Variants in VSTM4 observed in about 807,000 individuals in gnomAD.
VSTM4 encodes the protein V-set and transmembrane domain-containing protein 4.
A neutral mutation model predicts 36.4 loss-of-function variants in VSTM4; 20 were observed. The observed-to-expected ratio is 0.55, with a 90% CI of 0.39 to 0.80. The LOEUF (loss-of-function observed/expected upper bound fraction) is 0.80, where lower values mean the gene tolerates loss of function less well. Among genes scored for constraint, VSTM4 ranks in the 30% least tolerant of loss-of-function variants. The pLI is 0.00. For missense variants in VSTM4, 392 were observed against 404.5 expected, an observed-to-expected ratio of 0.97 and a Z score of 0.26; for synonymous variants, 182 against 173.9, an observed-to-expected ratio of 1.05 and a Z score of -0.37.
At chr10:49,097,991 T>C (rs1319858393) in intron 2 of VSTM4, among the ~76,000 whole-genome samples, 1 of 152,246 alleles carries the variant, frequency 6.6e-6, no homozygotes, top group Non-Finnish European at 1.5e-5. Context: ...CACTAGGCTA[T>C]GATGCCTGCC....
intron 2 of VSTM4, among the ~76,000 whole-genome samples, chr10:49,105,558 G>C (rs1295409419): frequency 1.3e-5 from 2 of 152,134 alleles, no homozygotes; most frequent in Non-Finnish European, 2.9e-5. Flanking sequence ...AGTGGGGAAA[G>C]ATTCTTATTT....
At position 49,064,676 on chromosome 10, in the gene VSTM4, C is replaced by A. The variant is rs770420993; in HGVS notation, c.668+27G>T. ...AAAGTTAAATGGCAAAGAGTTTCATCTGAAAAAAGGAAGAAAATATTCTTA... is the reference window on the plus strand; with the variant it reads ...AAAGTTAAATGGCAAAGAGTTTCATATGAAAAAAGGAAGAAAATATTCTTA... On this transcript the variant is annotated intron_variant, in intron 5 of 7. Coordinates refer to ENST00000332853, the MANE Select transcript of VSTM4 (RefSeq NM_001031746.5). The A allele has an allele frequency of 4.4e-6, 7 of 1,600,644 alleles. No homozygotes were observed. In the South Asian group the frequency reaches 6.8e-5, roughly 15 times the overall value.
At chr10:49,047,237 C>T (rs899384780) in intron 6 of VSTM4, among the ~76,000 whole-genome samples, 193 bp from the exon 7 acceptor site, 15 of 152,278 alleles carry the variant, frequency 9.9e-5, no homozygotes, top group African/African-American at 3.4e-4. Context: ...AACGTTTTGT[C>T]GTCTCCCTCA....
intron 4 of VSTM4, among the ~76,000 whole-genome samples, chr10:49,068,995 A>C (rs540001395): frequency 2.6e-5 from 4 of 152,128 alleles, no homozygotes; most frequent in Non-Finnish European, 5.9e-5. Flanking sequence ...TGATAAGAAG[A>C]AGCAGGCCCT....
chr10:49,113,407 A>G (rs1014767477), intron 1 of VSTM4, among the ~76,000 whole-genome samples: 1 of 152,186 alleles, frequency 6.6e-6, no homozygotes, highest in South Asian at 2.1e-4. Context: ...CCAATGATAG[A>G]GGCTAATACC....
At chr10:49,103,893 T>G in intron 2 of VSTM4, 5 of 1,599,342 alleles carry the variant, frequency 3.1e-6, no homozygotes, top group Non-Finnish European at 4.3e-6. Context: ...ATGAGCAGGT[T>G]AGACAAGAGA....
chr10:49,107,565 C>A (rs751995484), intron 2 of VSTM4, 29 bp downstream of exon 2: 2 of 1,575,766 alleles, frequency 1.3e-6, no homozygotes, highest in Admixed American at 3.5e-5. Flanking sequence ...CCCACCACCA[C>A]CTCTACCCAG....
chr10:49,064,513 G>A, intron 5 of VSTM4, 190 bp downstream of exon 5: 1 of 647,208 alleles, frequency 1.5e-6, no homozygotes, highest in South Asian at 2.0e-5. Flanking sequence ...CTGGATCCCT[G>A]GGGGTGAAAA....
chr10:49,078,350 A>C (rs1844216872), intron 3 of VSTM4, among the ~76,000 whole-genome samples: 1 of 152,168 alleles, frequency 6.6e-6, no homozygotes, highest in Admixed American at 6.5e-5. Flanking sequence ...CACATGGAAA[A>C]CTGTACATGT....
intron 2 of VSTM4, among the ~76,000 whole-genome samples, chr10:49,095,649 T>C (rs1350921523): frequency 6.6e-6 from 1 of 152,178 alleles, no homozygotes; most frequent in South Asian, 2.1e-4. Flanking sequence ...CCAAGCGAAG[T>C]CCCACATCCT....
At chr10:49,058,897 C>T (rs983120105) in intron 5 of VSTM4, among the ~76,000 whole-genome samples, 7 of 152,178 alleles carry the variant, frequency 4.6e-5, no homozygotes, top group African/African-American at 1.4e-4. Context: ...CAGAGAAGGG[C>T]ATTCTTCTTG....
chr10:49,023,812 T>C (rs1451095014), intron 7 of VSTM4, among the ~76,000 whole-genome samples: 1 of 152,140 alleles, frequency 6.6e-6, no homozygotes, highest in Non-Finnish European at 1.5e-5. Context: ...TTGCGGAGTG[T>C]TAGTACAAAT....
chr10:49,035,735 G>A lies in VSTM4; in HGVS notation c.837+11248C>T, dbSNP rs530465923. Among the ~76,000 whole-genome samples the A allele has an allele frequency of 1.1e-4, 17 of 151,918 alleles. No homozygotes were observed. In the East Asian group the frequency reaches 3.3e-3, roughly 29 times the overall value. ...TGCCTGTGGTACCAGCTACTTGGGA[G>A]GCTGAGGCAGGAGGATCAGTTGAGC... On this transcript the variant is annotated intron_variant, in intron 7 of 7. Coordinates refer to ENST00000332853, the MANE Select transcript of VSTM4 (RefSeq NM_001031746.5).
intron 7 of VSTM4, among the ~76,000 whole-genome samples, chr10:49,020,624 T>C (rs1181514784): frequency 1.3e-5 from 2 of 151,676 alleles, no homozygotes; most frequent in African/African-American, 4.8e-5. Flanking sequence ...AAATGCATTA[T>C]GTTCCAGAAA....
At chr10:49,096,622 C>CGTGTGT (rs57143308) in intron 2 of VSTM4, among the ~76,000 whole-genome samples, 12,625 of 122,404 alleles carry the variant, frequency 0.1, 698 homozygotes, top group South Asian at 0.12. Flanking sequence ...CATTGAAGAC[C>CGTGTGT]GTGTGTGTGT....
In VSTM4 at chr10:49,017,726, T is replaced by G. The variant is rs552481259; in HGVS notation, c.*1924A>C. 1.1e-4 allele frequency: 17 copies of G among 152,314 alleles called. No individual in the cohort carries two copies. The highest frequency in any genetic ancestry group is 4.1e-4 in the African/African-American group (17 of 41,552). The allele number at this position is 152,314 out of a possible 1,614,324, so 9.4% of individuals were successfully genotyped here. On this transcript the variant is annotated 3_prime_UTR_variant, in exon 8 of 8. Transcript: ENST00000332853. ...TTCATGTGCCCCCTCTCCTTCCCAT[T>G]TGGCACCCCCAGAGCCCCACAAACC...
chr10:49,019,659 G>C lies in VSTM4; in HGVS notation c.954C>G (p.Asn318Lys), dbSNP rs777532823. ...TVYAQILFEE[N>K]KL ...GGAGGTGGACGCTGTACTACAGCTT[G>C]TTCTCCTCGAAGAGGATCTGGGCGT... Residue 318 changes from asparagine to lysine, a missense_variant, in exon 8 of 8, where the codon AAC becomes AAG. Transcript: ENST00000332853. 6.2e-7 allele frequency: 1 copy of C among 1,611,666 alleles called. No homozygotes were observed. Among genetic ancestry groups the C allele is most frequent in the East Asian group, 2.2e-5 (1 of 44,790 alleles).
chr10:49,099,765 G>A (rs1315675166), intron 2 of VSTM4, among the ~76,000 whole-genome samples: 3 of 152,208 alleles, frequency 2.0e-5, no homozygotes. Flanking sequence ...GAGATTCTGT[G>A]AATAAGCCAG....
intron 1 of VSTM4, among the ~76,000 whole-genome samples, chr10:49,114,730 C>A: frequency 6.7e-6 from 1 of 150,210 alleles, no homozygotes; most frequent in East Asian, 1.9e-4. Context: ...CCAGCCAGTA[C>A]GGCCCCTGCT....
Sources: allele counts gnomAD v4.1 joint callset (sites outside exome capture counted in the v4.1 genomes callset), GRCh38; gene constraint gnomAD v4.1.1; transcripts MANE v1.5; gene names NCBI Gene and HGNC (gene_info 2026-07-23, HGNC 2026-07-21).